CSMD1: variants seen among roughly 807,000 people sequenced by gnomAD.
The protein encoded by CSMD1 is CUB and sushi domain-containing protein 1.
Under a neutral mutation model 417.5 loss-of-function variants are expected in CSMD1, and 213 were observed. That is an observed-to-expected ratio of 0.51 (90% confidence interval 0.46 to 0.57). The LOEUF is 0.57. CSMD1 is among the 20% of genes least tolerant of loss of function. The pLI is 0.00. For missense variants in CSMD1, 6,923 were observed against 4,529.7 expected (o/e 1.53, Z -15.17); for synonymous variants, 2,862 against 1,736.8 (o/e 1.65, Z -16.11).
At chr8:3,016,390 C>A (rs921478170) in intron 52 of CSMD1, among the ~76,000 whole-genome samples, 3 of 152,194 alleles carry the variant, frequency 2.0e-5, no homozygotes, top group Non-Finnish European at 4.4e-5. Flanking sequence ...GTCTCACATG[C>A]AACTTTATGG....
chr8:4,219,158 G>A (rs769500749), intron 3 of CSMD1, among the ~76,000 whole-genome samples: 1 of 152,128 alleles, frequency 6.6e-6, no homozygotes, highest in African/African-American at 2.4e-5. Flanking sequence ...AGCACCTGGT[G>A]TTGTGTTCCC....
intron 1 of CSMD1, among the ~76,000 whole-genome samples, chr8:4,917,612 C>T (rs956077520): frequency 2.6e-5 from 4 of 151,778 alleles, no homozygotes; most frequent in Non-Finnish European, 4.4e-5. Context: ...CCAGCCTGGG[C>T]GACAGAGCGA....
At chr8:3,949,331 C>A (rs991733846) in intron 5 of CSMD1, among the ~76,000 whole-genome samples, 1 of 152,114 alleles carries the variant, frequency 6.6e-6, no homozygotes, top group Non-Finnish European at 1.5e-5. Flanking sequence ...ATGTTGTAGC[C>A]TCTGACCAAG....
intron 2 of CSMD1, among the ~76,000 whole-genome samples, chr8:4,509,885 C>G (rs562855701): frequency 6.6e-6 from 1 of 152,242 alleles, no homozygotes; most frequent in East Asian, 1.9e-4. Context: ...CAGCTCCTGT[C>G]GCCCTGACAG....
At chr8:3,796,973 C>A (rs920931193) in intron 5 of CSMD1, among the ~76,000 whole-genome samples, 2 of 151,554 alleles carry the variant, frequency 1.3e-5, no homozygotes, top group African/African-American at 2.4e-5. Context: ...AAATAATTCC[C>A]CACAGCTAAA....
At chr8:4,148,898 C>A (rs1336325862) in intron 3 of CSMD1, among the ~76,000 whole-genome samples, 4 of 152,132 alleles carry the variant, frequency 2.6e-5, no homozygotes, top group Admixed American at 6.5e-5. Flanking sequence ...CCATTCCCAA[C>A]ATAGTTCACC....
intron 1 of CSMD1, among the ~76,000 whole-genome samples, chr8:4,979,999 T>C (rs1413483235): frequency 6.6e-6 from 1 of 152,168 alleles, no homozygotes; most frequent in African/African-American, 2.4e-5. Flanking sequence ...GATAGTGCAC[T>C]GCACTCCAGC....
chr8:4,126,824 T>C (rs913399150), intron 3 of CSMD1, among the ~76,000 whole-genome samples: 3 of 152,144 alleles, frequency 2.0e-5, no homozygotes, highest in Admixed American at 6.5e-5. Flanking sequence ...GGGTAGGAGA[T>C]GTCCAGGACA....
At chr8:4,459,050 G>A (rs77906338) in intron 2 of CSMD1, among the ~76,000 whole-genome samples, 15,259 of 152,166 alleles carry the variant, frequency 0.1, 877 homozygotes, top group Non-Finnish European at 0.14. Context: ...ATCTAGGTGA[G>A]TATGGCCAGG....
chr8:3,508,268 T>C (rs112084167), intron 10 of CSMD1, among the ~76,000 whole-genome samples: 11 of 150,698 alleles, frequency 7.3e-5, no homozygotes, highest in Non-Finnish European at 1.5e-4. Context: ...ATGCAAGACA[T>C]AGATCCTGGC....
intron 3 of CSMD1, among the ~76,000 whole-genome samples, chr8:4,244,386 T>A (rs913405566): frequency 2.0e-5 from 3 of 152,226 alleles, no homozygotes; most frequent in African/African-American, 7.2e-5. Context: ...CGGATGTTTT[T>A]ATGTTAATAG....
intron 7 of CSMD1, chr8:3,702,365 A>C (rs1283720127): frequency 6.6e-6 from 1 of 152,178 alleles, no homozygotes; most frequent in Non-Finnish European, 1.5e-5. Flanking sequence ...AATAACAACC[A>C]ATGTTTTGTT....
At chr8:3,947,978 G>C (rs1292526601) in intron 5 of CSMD1, among the ~76,000 whole-genome samples, 1 of 152,184 alleles carries the variant, frequency 6.6e-6, no homozygotes, top group African/African-American at 2.4e-5. Flanking sequence ...GGCCAAGGCA[G>C]GTGGATCACC....
chr8:4,023,621 C>G (rs1405063606), intron 4 of CSMD1, among the ~76,000 whole-genome samples: 2 of 145,886 alleles, frequency 1.4e-5, no homozygotes, highest in Admixed American at 7.0e-5. Flanking sequence ...GAGTCTCGCT[C>G]TGTCGCCCAG....
chr8:4,046,598 C>T (rs1217601961), intron 3 of CSMD1, among the ~76,000 whole-genome samples: 1 of 152,120 alleles, frequency 6.6e-6, no homozygotes, highest in Non-Finnish European at 1.5e-5. Flanking sequence ...TGAAGACCTA[C>T]TGTTGATTGT....
chr8:4,397,426 C>T (rs1282523701), intron 3 of CSMD1, among the ~76,000 whole-genome samples: 2 of 149,186 alleles, frequency 1.3e-5, no homozygotes, highest in African/African-American at 2.5e-5. Context: ...TCATTAGGAA[C>T]ATGGAAATGA....
intron 3 of CSMD1, among the ~76,000 whole-genome samples, chr8:4,173,205 G>T (rs190178755): frequency 3.3e-5 from 5 of 152,242 alleles, no homozygotes; most frequent in Non-Finnish European, 7.4e-5. Flanking sequence ...GTGAATTTCA[G>T]ATAAACGACC....
chr8:3,643,922 G>C (rs1291439310), intron 7 of CSMD1, among the ~76,000 whole-genome samples: 1 of 152,116 alleles, frequency 6.6e-6, no homozygotes, highest in Non-Finnish European at 1.5e-5. Context: ...AAAACCTAAA[G>C]GGATTTGTGT....
intron 21 of CSMD1, among the ~76,000 whole-genome samples, chr8:3,358,041 T>C (rs566611030): frequency 1.2e-4 from 18 of 152,264 alleles, no homozygotes; most frequent in Non-Finnish European, 2.1e-4. Context: ...CCCAAAAATC[T>C]GCCCCAAAGG....
Sources: gnomAD v4.1 joint callset for allele counts (sites outside exome capture counted in the v4.1 genomes callset) on GRCh38, gnomAD v4.1.1 for gene constraint, MANE v1.5 for transcripts, NCBI Gene and HGNC (gene_info 2026-07-23, HGNC 2026-07-21) for gene names.